Variants in DHX30 observed in about 807,000 individuals in gnomAD.
The protein encoded by DHX30 is DExH-box helicase 30.
DHX30 carries 4 observed loss-of-function variants against 116.9 expected under a neutral mutation model. That is an observed-to-expected ratio of 0.03 (90% CI 0.02 to 0.08). The LOEUF (loss-of-function observed/expected upper bound fraction) is 0.08, where lower values mean the gene tolerates loss of function less well. DHX30 is among the 10% of genes least tolerant of loss of function. The pLI is 1.00. For synonymous variants in DHX30, 697 were observed against 651.7 expected (o/e 1.07, Z -1.06); for missense variants, 871 against 1,595.1 (o/e 0.55, Z 7.73).
chr3:47,816,085 T>G (rs3888), intron 3 of DHX30: 1 of 984,964 alleles, frequency 1.0e-6, no homozygotes, highest in Non-Finnish European at 1.2e-6. Flanking sequence ...ATCCTAGGCA[T>G]TTAGTTCTAG....
At chr3:47,841,446 T>C in intron 7 of DHX30, among the ~76,000 whole-genome samples, 171 bp from the exon 8 acceptor site, 1 of 152,226 alleles carries the variant, frequency 6.6e-6, no homozygotes, top group East Asian at 1.9e-4. Flanking sequence ...GCAGTCCCCA[T>C]GCAGTGTGGC....
intron 4 of DHX30, chr3:47,824,799 G>T: frequency 2.5e-6 from 1 of 401,762 alleles, no homozygotes; most frequent in Non-Finnish European, 4.4e-6. Context: ...CCATCCACAC[G>T]ACTGCTGGTT....
intron 2 of DHX30, among the ~76,000 whole-genome samples, chr3:47,807,921 T>A (rs1055593585): frequency 2.0e-5 from 3 of 151,366 alleles, no homozygotes; most frequent in Non-Finnish European, 2.9e-5. Flanking sequence ...TTTTTTTAAA[T>A]TTTTTTGAGA....
chr3:47,820,313 CAA>C (rs941035786), intron 4 of DHX30, among the ~76,000 whole-genome samples: 1 of 139,640 alleles, frequency 7.2e-6, no homozygotes, highest in African/African-American at 2.6e-5. Flanking sequence ...GACTCCATCT[CAA>C]AAAAAAAAAA....
Position 47,847,378 on chromosome 3 carries a change from G to A in DHX30, c.2005+30G>A, listed in dbSNP as rs758350194. ...GTGCCTCCCCATCTGTCCCATGCTA[G>A]CCCTGGCCACGTTTGCAGCAACAGC... On this transcript the variant is annotated intron_variant, in intron 12 of 21. Transcript: ENST00000445061. The surrounding 1 kb of genome is among the most constrained non-coding windows in gnomAD (Gnocchi z 5.5). The A allele has an allele frequency of 6.2e-7, 1 of 1,614,206 alleles. No homozygotes were observed. The highest frequency in any genetic ancestry group is 8.5e-7 in the Non-Finnish European group (1 of 1,180,024).
At chr3:47,817,955 C>A in intron 3 of DHX30, 67 bp from the exon 4 acceptor site, 2 of 780,542 alleles carry the variant, frequency 2.6e-6, no homozygotes, top group South Asian at 2.7e-5. Flanking sequence ...CTGAGTGAGT[C>A]AGTTCAGGGG....
chr3:47,824,491 T>C (rs1326785775), intron 4 of DHX30, among the ~76,000 whole-genome samples: 2 of 152,030 alleles, frequency 1.3e-5, no homozygotes, highest in African/African-American at 2.4e-5. Flanking sequence ...GGGGTTTCAC[T>C]ATGCTGCCCA....
chr3:47,826,812 G>C (rs1486449595), intron 4 of DHX30, among the ~76,000 whole-genome samples: 2 of 152,214 alleles, frequency 1.3e-5, no homozygotes, highest in Non-Finnish European at 2.9e-5. Context: ...GTCTTTTGCA[G>C]TGTGCTTAGA....
Position 47,836,777 on chromosome 3 carries a change from C to T in DHX30, c.367-4100C>T, listed in dbSNP as rs961182768. Among the ~76,000 whole-genome samples the T allele has an allele frequency of 2.0e-5, 3 of 152,282 alleles. No individual in the cohort carries two copies. The South Asian group carries it at 6.2e-4, about 32-fold the overall frequency. On this transcript the variant is annotated intron_variant, in intron 6 of 21. Transcript: ENST00000445061. ...CGCGATCTGCCTGCCTCCCAAAGTGCTGGGATTACAGGTGTGAGCCACCGT... is the reference window on the plus strand; with the variant it reads ...CGCGATCTGCCTGCCTCCCAAAGTGTTGGGATTACAGGTGTGAGCCACCGT...
intron 4 of DHX30, among the ~76,000 whole-genome samples, chr3:47,822,740 G>A (rs1009793930): frequency 2.0e-5 from 3 of 152,016 alleles, no homozygotes; most frequent in South Asian, 4.2e-4. Flanking sequence ...AGCCGAGATC[G>A]TGCCAGTGCA....
Position 47,816,339 on chromosome 3 carries a change from G to A in DHX30, c.29-1683G>A, listed in dbSNP as rs868307997. ...CTCAGGGTGATGTGATGCTGCAAAT[G>A]TACAAAGAGCCGTCTTCTTTTTTTT... On this transcript the variant is annotated intron_variant, in intron 3 of 21. Coordinates refer to ENST00000445061, the MANE Select transcript of DHX30 (RefSeq NM_138615.3). 5.4e-5 allele frequency: 52 copies of A among 967,520 alleles called. No individual in the cohort carries two copies. The Middle Eastern group carries it at 1.6e-3, about 29-fold the overall frequency. The allele number at this position is 967,520 out of a possible 1,614,324, so 59.9% of individuals were successfully genotyped here.
At position 47,848,748 on chromosome 3, in the gene DHX30, G is replaced by A. The variant is rs2107147778; in HGVS notation, c.2700G>A (p.Leu900=). The change falls in exon 17 of 22, where the codon CTG becomes CTA. Residue 900 remains leucine (L), a synonymous_variant. Coordinates refer to ENST00000445061, the MANE Select transcript of DHX30 (RefSeq NM_138615.3). This position sits in a 1 kb window ranked among gnomAD's most constrained non-coding sequence, Gnocchi z 9.4. ...TCTTCCGTTGCCTGCACCCACTACT[G>A]GTGGTCGTTTCCTGCCTCACCCGGG... ...AAIFRCLHPL[L]VVVSCLTRDP... 1 of 1,614,148 alleles carries A rather than the reference G, an allele frequency of 6.2e-7. No individual in the cohort carries two copies. The highest frequency in any genetic ancestry group is 8.5e-7 in the Non-Finnish European group (1 of 1,180,014).
At chr3:47,836,639 C>T (rs1180312749) in intron 6 of DHX30, among the ~76,000 whole-genome samples, 1 of 152,168 alleles carries the variant, frequency 6.6e-6, no homozygotes, top group East Asian at 1.9e-4. Flanking sequence ...CTGCCTCAGC[C>T]TCCCGAGTAG....
At chr3:47,835,367 C>A (rs2107076687) in intron 6 of DHX30, among the ~76,000 whole-genome samples, 1 of 152,172 alleles carries the variant, frequency 6.6e-6, no homozygotes, top group Non-Finnish European at 1.5e-5. Flanking sequence ...GGGGTTTCTC[C>A]ATGTTGGTCA....
At chr3:47,825,021 C>T (rs1277184503) in intron 4 of DHX30, 2 of 640,362 alleles carry the variant, frequency 3.1e-6, no homozygotes, top group East Asian at 3.3e-5. Context: ...GCACAGGCCT[C>T]GGGGTCGGCG....
chr3:47,808,142 T>C (rs2035617746), intron 2 of DHX30, among the ~76,000 whole-genome samples: 1 of 151,642 alleles, frequency 6.6e-6, no homozygotes, highest in South Asian at 2.1e-4. Context: ...ACTCCCGACC[T>C]CAGGTGATCT....
chr3:47,809,342 C>T (rs955901614), intron 2 of DHX30, among the ~76,000 whole-genome samples: 10 of 138,836 alleles, frequency 7.2e-5, no homozygotes, highest in African/African-American at 2.1e-4. Context: ...CCTGGGTTCA[C>T]GCCATTCTCC....
intron 2 of DHX30, among the ~76,000 whole-genome samples, chr3:47,805,857 TAGTCATTGTGG>T (rs2035490294): frequency 6.6e-6 from 1 of 152,180 alleles, no homozygotes; most frequent in Admixed American, 6.6e-5. Context: ...GTATCATTTT[TAGTCATTGTGG>T]AGTCTCTGTC....
rs974684256 is a variant in DHX30 at position 47,847,416 on chromosome 3, C to T, written c.2006-16C>T. ...TTGCAGCAACAGCTGGCTCATGCCC[C>T]AGGGCTCCTTTACAGGTGGGATCCT... On this transcript the variant is annotated splice_polypyrimidine_tract_variant and intron_variant, in intron 12 of 21. Coordinates refer to ENST00000445061, the MANE Select transcript of DHX30 (RefSeq NM_138615.3). The surrounding 1 kb of genome is among the most constrained non-coding windows in gnomAD (Gnocchi z 5.5). 5.0e-6 allele frequency: 8 copies of T among 1,613,896 alleles called. No homozygotes were observed. The highest frequency in any genetic ancestry group is 1.7e-5 in the Admixed American group (1 of 60,012).
Sources: gnomAD v4.1 joint callset for allele counts (sites outside exome capture counted in the v4.1 genomes callset) on GRCh38, gnomAD v4.1.1 for gene constraint, Gnocchi (gnomAD v3.1) non-coding constraint, MANE v1.5 for transcripts, NCBI Gene and HGNC (gene_info 2026-07-23, HGNC 2026-07-21) for gene names.